The following PDGFD variants were observed in gnomAD, a reference collection of about 807,000 sequenced individuals.
The protein encoded by PDGFD is platelet derived growth factor D, also known as platelet-derived growth factor D.
Under a neutral mutation model 44.7 loss-of-function variants are expected in PDGFD, and 30 were observed. That is an observed-to-expected ratio of 0.67 (90% CI 0.50 to 0.91). The LOEUF (loss-of-function observed/expected upper bound fraction) is 0.91. PDGFD is among the 40% of genes least tolerant of loss of function. PDGFD has a pLI of 0.00. For synonymous variants in PDGFD, 173 were observed against 168.4 expected (o/e 1.03, Z -0.21); for missense variants, 445 against 457.8 (o/e 0.97, Z 0.25).
chr11:104,135,407 G>C (rs11226196), intron 1 of PDGFD, among the ~76,000 whole-genome samples: 19,816 of 152,200 alleles, frequency 0.13, 1,426 homozygotes, highest in East Asian at 0.29. Flanking sequence ...AGGGAGAAGA[G>C]AGTAGTCCAA....
intron 1 of PDGFD, among the ~76,000 whole-genome samples, chr11:104,095,566 C>CA (rs963333522): frequency 2.0e-5 from 3 of 149,408 alleles, no homozygotes; most frequent in African/African-American, 7.4e-5. Flanking sequence ...GTCTTAGAGA[C>CA]AAAAAAATGG....
intron 1 of PDGFD, among the ~76,000 whole-genome samples, chr11:104,121,337 C>A (rs1240197426): frequency 1.3e-5 from 2 of 151,930 alleles, no homozygotes. Context: ...CTAAGAACAT[C>A]TGTATTTGCT....
intron 1 of PDGFD, among the ~76,000 whole-genome samples, chr11:104,156,502 A>C (rs1565350613): frequency 6.6e-6 from 1 of 152,226 alleles, no homozygotes; most frequent in Non-Finnish European, 1.5e-5. Context: ...GTGCTCAAGG[A>C]AAAAATCTAA....
chr11:104,046,041 C>T (rs1458172000), intron 1 of PDGFD, among the ~76,000 whole-genome samples: 1 of 146,660 alleles, frequency 6.8e-6, no homozygotes, highest in East Asian at 2.0e-4. Flanking sequence ...CCTGAGCAGG[C>T]ACTAAAGAAA....
chr11:104,008,994 A>G (rs1028904258), intron 1 of PDGFD, among the ~76,000 whole-genome samples: 8 of 152,142 alleles, frequency 5.3e-5, no homozygotes, highest in Non-Finnish European at 8.8e-5. Flanking sequence ...AAATGCCCCA[A>G]ATATTTCACT....
intron 5 of PDGFD, among the ~76,000 whole-genome samples, chr11:103,928,245 A>C (rs1467789476): frequency 1.3e-5 from 2 of 152,236 alleles, no homozygotes; most frequent in African/African-American, 4.8e-5. Context: ...GCATACATAC[A>C]TGAGTATCTT....
intron 1 of PDGFD, among the ~76,000 whole-genome samples, chr11:104,027,548 T>C (rs1449462538): frequency 6.6e-6 from 1 of 152,208 alleles, no homozygotes; most frequent in South Asian, 2.1e-4. Flanking sequence ...GAGGCTCGGA[T>C]AAATTAATGC....
At chr11:104,050,176 C>A (rs190243394) in intron 1 of PDGFD, among the ~76,000 whole-genome samples, 2 of 152,048 alleles carry the variant, frequency 1.3e-5, no homozygotes, top group African/African-American at 4.8e-5. Flanking sequence ...GAGGGAGGAA[C>A]TGGGCTCTCG....
intron 3 of PDGFD, among the ~76,000 whole-genome samples, chr11:103,968,023 A>G (rs1161050617): frequency 6.6e-6 from 1 of 152,128 alleles, no homozygotes; most frequent in Admixed American, 6.6e-5. Flanking sequence ...TAGCCTCTGA[A>G]TTGCCAAAGC....
chr11:104,098,898 G>A (rs942080579), intron 1 of PDGFD, among the ~76,000 whole-genome samples: 1 of 152,092 alleles, frequency 6.6e-6, no homozygotes, highest in Non-Finnish European at 1.5e-5. Flanking sequence ...TACAAACTCT[G>A]TTCAGGGAGA....
intron 3 of PDGFD, among the ~76,000 whole-genome samples, chr11:103,979,642 G>C (rs1040923565): frequency 8.5e-5 from 13 of 152,072 alleles, no homozygotes; most frequent in Non-Finnish European, 1.8e-4. Flanking sequence ...GCTAGTTGTT[G>C]TGATTTGTGA....
intron 1 of PDGFD, among the ~76,000 whole-genome samples, chr11:104,123,555 C>A (rs981398902): frequency 1.3e-5 from 2 of 151,950 alleles, no homozygotes; most frequent in African/African-American, 4.8e-5. Flanking sequence ...AATTTTTAAA[C>A]ATAGTAAACG....
chr11:104,129,699 C>A (rs540384806), intron 1 of PDGFD, among the ~76,000 whole-genome samples: 1 of 152,016 alleles, frequency 6.6e-6, no homozygotes, highest in African/African-American at 2.4e-5. Flanking sequence ...GCGTGAAACA[C>A]GAAGTCAAGA....
intron 6 of PDGFD, among the ~76,000 whole-genome samples, chr11:103,916,687 C>G (rs1565283522): frequency 6.6e-6 from 1 of 152,120 alleles, no homozygotes. Flanking sequence ...TGGAACCAAC[C>G]CAAATGTCCA....
chr11:104,047,956 A>C (rs992846695), intron 1 of PDGFD, among the ~76,000 whole-genome samples: 1 of 152,120 alleles, frequency 6.6e-6, no homozygotes, highest in African/African-American at 2.4e-5. Flanking sequence ...TAAATCTGCT[A>C]TATCTTTGAT....
At chr11:103,928,406 C>G (rs1211787625) in intron 5 of PDGFD, among the ~76,000 whole-genome samples, 1 of 152,118 alleles carries the variant, frequency 6.6e-6, no homozygotes, top group African/African-American at 2.4e-5. Context: ...AACTCTAGCC[C>G]TGGTAAATGT....
intron 1 of PDGFD, among the ~76,000 whole-genome samples, chr11:104,066,474 C>A (rs1860793102): frequency 6.6e-6 from 1 of 152,182 alleles, no homozygotes; most frequent in East Asian, 1.9e-4. Flanking sequence ...TCGGTAAAAT[C>A]CCCAAGTGAG....
intron 1 of PDGFD, among the ~76,000 whole-genome samples, chr11:104,045,551 T>A (rs1305798378): frequency 2.0e-5 from 3 of 152,078 alleles, no homozygotes; most frequent in Admixed American, 6.6e-5. Context: ...ATTTAAGTTA[T>A]CTATGAACTT....
chr11:104,120,308 C>T (rs1861758567), intron 1 of PDGFD, among the ~76,000 whole-genome samples: 2 of 151,662 alleles, frequency 1.3e-5, no homozygotes, highest in South Asian at 4.1e-4. Context: ...TTTTTGTTTA[C>T]CATGCCACTG....
Sources: allele counts gnomAD v4.1 joint callset (sites outside exome capture counted in the v4.1 genomes callset), GRCh38; gene constraint gnomAD v4.1.1; transcripts MANE v1.5; gene names NCBI Gene and HGNC (gene_info 2026-07-23, HGNC 2026-07-21).